Variants in KLHL13 observed in about 807,000 individuals in gnomAD.
KLHL13 encodes kelch like family member 13.
KLHL13 carries 10 observed loss-of-function variants against 37.1 expected under a neutral mutation model. The observed-to-expected ratio is 0.27, with a 90% CI of 0.17 to 0.46. The LOEUF (loss-of-function observed/expected upper bound fraction) is 0.46. KLHL13 is among the 20% of genes least tolerant of loss of function. The probability of loss-of-function intolerance (pLI) is 1.00; values close to 1 mark genes in which losing one functional copy is unlikely to be tolerated. For synonymous variants in KLHL13, 163 were observed against 181.2 expected (o/e 0.90, Z 0.81); for missense variants, 360 against 509.3 (o/e 0.71, Z 2.82).
intron 1 of KLHL13, among the ~76,000 whole-genome samples, chrX:118,000,625 C>G (rs751352940): frequency 1.2e-3 from 136 of 111,808 alleles, no homozygotes; most frequent in African/African-American, 4.0e-3. Context: ...TAAAAGGCAA[C>G]CCCTTATCCA....
intron 1 of KLHL13, among the ~76,000 whole-genome samples, chrX:118,034,957 C>T (rs1287870209): frequency 1.0e-4 from 9 of 90,416 alleles, no homozygotes; most frequent in East Asian, 3.1e-4. Flanking sequence ...GAGAATACTA[C>T]AAACACCTCT....
chrX:118,071,081 T>G (rs1181757146), intron 1 of KLHL13, among the ~76,000 whole-genome samples: 1 of 111,747 alleles, frequency 8.9e-6, no homozygotes, highest in South Asian at 3.7e-4. Flanking sequence ...ACAAAGGACA[T>G]GAACTCATCA....
intron 1 of KLHL13, among the ~76,000 whole-genome samples, chrX:118,042,098 A>G (rs1222931237): frequency 1.8e-5 from 2 of 112,148 alleles, no homozygotes; most frequent in Non-Finnish European, 3.8e-5. Flanking sequence ...GACAAAAACT[A>G]TAAAGAGACA....
At chrX:118,102,597 G>A (rs1450855807) in intron 1 of KLHL13, among the ~76,000 whole-genome samples, 4 of 112,257 alleles carry the variant, frequency 3.6e-5, no homozygotes, top group Non-Finnish European at 7.5e-5. Flanking sequence ...CTGGTTTAAA[G>A]AAGGTAGTCA....
intron 2 of KLHL13, among the ~76,000 whole-genome samples, chrX:117,923,361 A>T (rs1305949878): frequency 4.5e-5 from 5 of 112,319 alleles, no homozygotes; most frequent in Admixed American, 2.8e-4. Flanking sequence ...GATACTAATG[A>T]GATGAGTCTA....
At chrX:118,097,124 AGAG>A (rs1363353760) in intron 1 of KLHL13, among the ~76,000 whole-genome samples, 3 of 111,533 alleles carry the variant, frequency 2.7e-5, no homozygotes, top group Non-Finnish European at 5.6e-5. Context: ...AATTAGGAAA[AGAG>A]GAAGTCAAAT....
At position 118,031,187 on chromosome X, in the gene KLHL13, T is replaced by C. The variant is rs746469156; in HGVS notation, c.-56+85321A>G. Among the ~76,000 whole-genome samples the C allele has an allele frequency of 3.3e-3, 360 of 109,905 alleles. 1 individual carries two copies. Among genetic ancestry groups the C allele is most frequent in the African/African-American group, 0.011 (329 of 30,318 alleles). Reference sequence around the variant, plus strand: ...TAGGAGTTTTATGGGAAGAATTAGTTGGTTTCTCTCAGAAGTTCATGTAGA... The same window carrying C: ...TAGGAGTTTTATGGGAAGAATTAGTCGGTTTCTCTCAGAAGTTCATGTAGA... On this transcript the variant is annotated intron_variant, in intron 1 of 6. Transcript: ENST00000371882.
intron 2 of KLHL13, among the ~76,000 whole-genome samples, chrX:117,940,869 T>C (rs931407819): frequency 4.5e-5 from 5 of 111,945 alleles, no homozygotes; most frequent in Non-Finnish European, 9.4e-5. Flanking sequence ...TTTCTAAATA[T>C]ACAATCATGT....
chrX:117,942,491 G>C (rs1236957023), intron 2 of KLHL13, among the ~76,000 whole-genome samples: 1 of 110,980 alleles, frequency 9.0e-6, no homozygotes, highest in Non-Finnish European at 1.9e-5. Flanking sequence ...CTACGAACTT[G>C]CTTAATGAAT....
chrX:118,093,132 G>A (rs1322014500), intron 1 of KLHL13, among the ~76,000 whole-genome samples: 1 of 111,076 alleles, frequency 9.0e-6, no homozygotes, highest in Non-Finnish European at 1.9e-5. Context: ...TCCACTAGTT[G>A]ATAACAATTA....
intron 2 of KLHL13, among the ~76,000 whole-genome samples, chrX:117,943,116 T>C (rs1380399833): frequency 2.7e-5 from 3 of 111,670 alleles, no homozygotes; most frequent in African/African-American, 9.8e-5. Context: ...AAATTCTGGG[T>C]TGAAAATTCT....
At chrX:117,943,367 T>C (rs1205425773) in intron 2 of KLHL13, among the ~76,000 whole-genome samples, 1 of 111,224 alleles carries the variant, frequency 9.0e-6, no homozygotes, top group Non-Finnish European at 1.9e-5. Context: ...ATTTGAATGT[T>C]GGCCTCTCTT....
chrX:118,021,238 T>A (rs376468250), intron 1 of KLHL13, among the ~76,000 whole-genome samples: 5 of 108,038 alleles, frequency 4.6e-5, no homozygotes, highest in African/African-American at 1.7e-4. Context: ...TGGCATTATC[T>A]CCTTTTTTTT....
intron 1 of KLHL13, among the ~76,000 whole-genome samples, chrX:117,994,989 A>T (rs768407444): frequency 1.2e-4 from 14 of 112,077 alleles, no homozygotes; most frequent in Non-Finnish European, 2.3e-4. Context: ...TCAAGGCTGC[A>T]ATGAGCTATG....
chrX:117,910,185 T>A, intron 4 of KLHL13, 89 bp from the exon 6 acceptor site: 1 of 605,552 alleles, frequency 1.7e-6, no homozygotes, highest in Non-Finnish European at 2.5e-6. Context: ...AGAATAAGAG[T>A]AAATTATGCT....
Position 117,910,274 on chromosome X carries a change from C to CT in KLHL13, c.571-179dup, listed in dbSNP as rs971931966. On this transcript the variant is annotated intron_variant, in intron 4 of 6. Transcript: ENST00000262820. ...TACAAACAGATAATTTGCAAACCACCTTTACTTAATCCACTAGAAGGCTGA... is the reference window on the plus strand; with the variant it reads ...TACAAACAGATAATTTGCAAACCACCTTTTACTTAATCCACTAGAAGGCTGA... Among the ~76,000 whole-genome samples the CT allele has an allele frequency of 1.4e-4, 16 of 111,712 alleles. No homozygotes were observed. The Admixed American group carries it at 1.5e-3, about 11-fold the overall frequency.
At chrX:118,098,776 G>C (rs1344314618) in intron 1 of KLHL13, among the ~76,000 whole-genome samples, 1 of 105,835 alleles carries the variant, frequency 9.4e-6, no homozygotes, top group African/African-American at 3.5e-5. Context: ...TCCTTTGTAG[G>C]GACATGGATG....
chrX:118,003,569 TC>T (rs1316750812), intron 1 of KLHL13, among the ~76,000 whole-genome samples: 4 of 110,969 alleles, frequency 3.6e-5, no homozygotes, highest in Non-Finnish European at 7.5e-5. Flanking sequence ...TAGGCAAAAA[TC>T]AAACCAGTAA....
At chrX:118,098,781 T>C (rs1286206350) in intron 1 of KLHL13, among the ~76,000 whole-genome samples, 1 of 105,614 alleles carries the variant, frequency 9.5e-6, no homozygotes, top group East Asian at 3.0e-4. Flanking sequence ...TGTAGGGACA[T>C]GGATGAAGCT....
Sources: allele counts gnomAD v4.1 joint callset (sites outside exome capture counted in the v4.1 genomes callset), GRCh38; gene constraint gnomAD v4.1.1; transcripts MANE v1.5; gene names NCBI Gene and HGNC (gene_info 2026-07-23, HGNC 2026-07-21).